GRIN2B: variants seen among roughly 807,000 people sequenced by gnomAD.
GRIN2B encodes the protein glutamate receptor ionotropic, NMDA 2B.
Under a neutral mutation model 114.5 loss-of-function variants are expected in GRIN2B, and 5 were observed. That is an observed-to-expected ratio of 0.04 (90% CI 0.02 to 0.09). The LOEUF (loss-of-function observed/expected upper bound fraction) is 0.09. Ranked by LOEUF, GRIN2B falls within the 10% of genes least tolerant of loss-of-function variation. The pLI, the probability that GRIN2B is intolerant of heterozygous loss-of-function variation, is 1.00. For synonymous variants in GRIN2B, 787 were observed against 745.1 expected (o/e 1.06, Z -0.92); for missense variants, 1,108 against 1,943.5 (o/e 0.57, Z 8.08).
At chr12:13,696,408 G>A (rs1318711354) in intron 4 of GRIN2B, among the ~76,000 whole-genome samples, 1 of 152,102 alleles carries the variant, frequency 6.6e-6, no homozygotes, top group Admixed American at 6.5e-5. Flanking sequence ...CATCTCTTTT[G>A]CATGGTGGGA....
Position 13,616,443 on chromosome 12 carries a change from A to G in GRIN2B, c.1328+12T>C. 6.2e-7 allele frequency: 1 copy of G among 1,600,924 alleles called. No homozygotes were observed. Among genetic ancestry groups the G allele is most frequent in the Non-Finnish European group, 8.6e-7 (1 of 1,168,894 alleles). ...TCCCATGCCACCCAAAGTCATTGAG[A>G]GGATGCCATACTCAGTGACTATGCG... On this transcript the variant is annotated intron_variant, in intron 6 of 13. Transcript: ENST00000609686.
intron 2 of GRIN2B, among the ~76,000 whole-genome samples, chr12:13,928,073 G>C (rs541475710): frequency 3.8e-4 from 58 of 151,914 alleles, no homozygotes; most frequent in African/African-American, 1.2e-3. Context: ...TACTTTGGGA[G>C]GCTGAGGCGG....
At chr12:13,703,969 AT>A (rs1338739147) in intron 4 of GRIN2B, among the ~76,000 whole-genome samples, 1 of 152,212 alleles carries the variant, frequency 6.6e-6, no homozygotes. Context: ...TGTCTCTGTC[AT>A]CAAAAGAGAG....
chr12:13,896,978 G>A (rs1478289520), intron 2 of GRIN2B, among the ~76,000 whole-genome samples: 3 of 152,062 alleles, frequency 2.0e-5, no homozygotes, highest in Admixed American at 6.6e-5. Flanking sequence ...AAAGATGCCT[G>A]GAACATCTGC....
At chr12:13,817,247 G>A (rs1361998801) in intron 3 of GRIN2B, among the ~76,000 whole-genome samples, 2 of 152,166 alleles carry the variant, frequency 1.3e-5, no homozygotes. Flanking sequence ...GTCTCCAAGG[G>A]GGTAAATGAC....
chr12:13,665,132 A>AT (rs1252731468), intron 5 of GRIN2B, among the ~76,000 whole-genome samples: 1 of 137,626 alleles, frequency 7.3e-6, no homozygotes, highest in Non-Finnish European at 1.6e-5. Flanking sequence ...CTGAAAAGAG[A>AT]GGGTGTGTGT....
chr12:13,764,779 A>G (rs997011903), intron 3 of GRIN2B, among the ~76,000 whole-genome samples: 1 of 152,240 alleles, frequency 6.6e-6, no homozygotes, highest in East Asian at 1.9e-4. Flanking sequence ...GAAGTTGACA[A>G]GCAAGAAAGA....
chr12:13,785,464 T>A (rs917969149), intron 3 of GRIN2B, among the ~76,000 whole-genome samples: 1 of 152,152 alleles, frequency 6.6e-6, no homozygotes, highest in Non-Finnish European at 1.5e-5. Context: ...AACTCCCACA[T>A]GCCTTATGTC....
chr12:13,852,631 C>T (rs1865587487), intron 3 of GRIN2B, among the ~76,000 whole-genome samples: 1 of 143,112 alleles, frequency 7.0e-6, no homozygotes, highest in Admixed American at 7.0e-5. Flanking sequence ...AAGGTTATTT[C>T]ATTTAATCTT....
At chr12:13,835,791 A>AG (rs1454060410) in intron 3 of GRIN2B, among the ~76,000 whole-genome samples, 38 of 151,722 alleles carry the variant, frequency 2.5e-4, no homozygotes, top group African/African-American at 9.2e-4. Context: ...AAAAAAAAAA[A>AG]AAAAGAAAGC....
rs115352712 is a variant in GRIN2B at position 13,979,042 on chromosome 12, G to A, written c.-19+886C>T. On this transcript the variant is annotated intron_variant, in intron 2 of 13. Transcript: ENST00000609686. Reference sequence around the variant, plus strand: ...TGTTTAACACAAAGACTCACGTGTCGAATTCTGCACCCCTTCCACATGCAC... The same window carrying A: ...TGTTTAACACAAAGACTCACGTGTCAAATTCTGCACCCCTTCCACATGCAC... 6.2e-3 allele frequency among the ~76,000 whole-genome samples: 946 copies of A among 152,174 alleles called. 12 individuals carry two copies. The highest frequency in any genetic ancestry group is 0.021 in the African/African-American group (862 of 41,504).
chr12:13,779,647 A>C (rs1361632367), intron 3 of GRIN2B, among the ~76,000 whole-genome samples: 1 of 152,140 alleles, frequency 6.6e-6, no homozygotes, highest in African/African-American at 2.4e-5. Flanking sequence ...TTTAATTCCT[A>C]GTGTGTATTT....
intron 2 of GRIN2B, among the ~76,000 whole-genome samples, chr12:13,940,358 A>G (rs1367826779): frequency 6.6e-6 from 1 of 152,126 alleles, no homozygotes; most frequent in Non-Finnish European, 1.5e-5. Flanking sequence ...AGAATTCCAC[A>G]TAGCTCAGCC....
chr12:13,564,828 T>A lies in GRIN2B; in HGVS notation c.2599-189A>T, dbSNP rs757115027. 2.0e-5 allele frequency among the ~76,000 whole-genome samples: 3 copies of A among 152,166 alleles called. No individual in the cohort carries two copies. The highest frequency in any genetic ancestry group is 4.4e-5 in the Non-Finnish European group (3 of 68,030). On this transcript the variant is annotated intron_variant, in intron 13 of 13. Transcript: ENST00000609686. The surrounding 1 kb of genome is among the most constrained non-coding windows in gnomAD (Gnocchi z 4.8). ...ATACCCCTAAATTTGGTGACTGTCA[T>A]GTGGTGAGCTGAGGTCAGTGACCTG...
intron 2 of GRIN2B, among the ~76,000 whole-genome samples, chr12:13,940,043 C>T (rs1216254429): frequency 6.6e-6 from 1 of 152,090 alleles, no homozygotes; most frequent in African/African-American, 2.4e-5. Flanking sequence ...GTATTGCAAG[C>T]TTATGAATAT....
In GRIN2B at chr12:13,808,558, C is replaced by T. The variant is rs1459857123; in HGVS notation, c.412-54643G>A. ...GAATTGAACAAGGAGAACACTTAGA[C>T]ACAGGAAGGGGAACATCACACACCA... On this transcript the variant is annotated intron_variant, in intron 3 of 13. Transcript: ENST00000609686. Among the ~76,000 whole-genome samples the T allele has an allele frequency of 2.7e-5, 4 of 150,228 alleles. No individual in the cohort carries two copies. In the East Asian group the frequency reaches 7.9e-4, roughly 30 times the overall value.
chr12:13,851,516 A>T (rs568817868), intron 3 of GRIN2B, among the ~76,000 whole-genome samples: 2 of 152,310 alleles, frequency 1.3e-5, no homozygotes, highest in African/African-American at 4.8e-5. Flanking sequence ...GAAGTTTATA[A>T]AAACAGTAAT....
chr12:13,910,236 G>A (rs909697077), intron 2 of GRIN2B, among the ~76,000 whole-genome samples: 4 of 152,120 alleles, frequency 2.6e-5, no homozygotes, highest in East Asian at 3.9e-4. Flanking sequence ...TGTTGTGTGC[G>A]CCCTCCCTCG....
At chr12:13,930,577 T>C (rs1867008824) in intron 2 of GRIN2B, among the ~76,000 whole-genome samples, 1 of 152,232 alleles carries the variant, frequency 6.6e-6, no homozygotes, top group Non-Finnish European at 1.5e-5. Context: ...AAATGGCCTT[T>C]GGTTTGTCTA....
Sources: gnomAD v4.1 joint callset for allele counts (sites outside exome capture counted in the v4.1 genomes callset) on GRCh38, gnomAD v4.1.1 for gene constraint, Gnocchi (gnomAD v3.1) non-coding constraint, MANE v1.5 for transcripts, NCBI Gene and HGNC (gene_info 2026-07-23, HGNC 2026-07-21) for gene names.